The following IGFBP5 variants were observed in gnomAD, a reference collection of about 807,000 sequenced individuals.
IGFBP5 encodes the protein insulin-like growth factor-binding protein 5.
IGFBP5 carries 12 observed loss-of-function variants against 28.0 expected under a neutral mutation model. That is an observed-to-expected ratio of 0.43 (90% confidence interval 0.27 to 0.69). The LOEUF (loss-of-function observed/expected upper bound fraction) is 0.69, where lower values mean the gene tolerates loss of function less well. Among genes scored for constraint, IGFBP5 ranks in the 30% least tolerant of loss-of-function variants. IGFBP5 has a pLI of 0.20. For missense variants in IGFBP5, 344 were observed against 381.6 expected (o/e 0.90, Z 0.82); for synonymous variants, 152 against 150.2 (o/e 1.01, Z -0.09).
chr2:216,693,774 C>T (rs1455531012), intron 1 of IGFBP5, among the ~76,000 whole-genome samples: 2 of 151,746 alleles, frequency 1.3e-5, no homozygotes, highest in African/African-American at 4.8e-5. Flanking sequence ...GTTTTACCAT[C>T]TACCACAGGC....
Position 216,694,114 on chromosome 2 carries a change from T to G in IGFBP5, c.337+325A>C, listed in dbSNP as rs1689137137. On this transcript the variant is annotated intron_variant, in intron 1 of 3. Transcript: ENST00000233813. The surrounding 1 kb of genome is among the most constrained non-coding windows in gnomAD (Gnocchi z 5.2). ...TAATGTAACATACACTCTTTCAGACTGTAGATAGGGTACCAGGGGATTTGG... is the reference window on the plus strand; with the variant it reads ...TAATGTAACATACACTCTTTCAGACGGTAGATAGGGTACCAGGGGATTTGG... 6.6e-6 allele frequency among the ~76,000 whole-genome samples: 1 copy of G among 151,358 alleles called. No homozygotes were observed. The highest frequency in any genetic ancestry group is 2.1e-4 in the South Asian group (1 of 4,796).
At chr2:216,685,270 CA>C (rs112350608) in intron 1 of IGFBP5, among the ~76,000 whole-genome samples, 6,964 of 87,228 alleles carry the variant, frequency 0.08, 192 homozygotes, top group African/African-American at 0.14. Context: ...AATAGTGTGA[CA>C]AAAAAAAAAA....
intron 1 of IGFBP5, among the ~76,000 whole-genome samples, chr2:216,685,872 T>TTTTTTG (rs1052254677): frequency 4.6e-5 from 7 of 152,210 alleles, no homozygotes; most frequent in Non-Finnish European, 8.8e-5. Flanking sequence ...GAAGACATTT[T>TTTTTTG]TTTTTGTTTT....
At chr2:216,686,572 G>A (rs1271580719) in intron 1 of IGFBP5, among the ~76,000 whole-genome samples, 2 of 151,784 alleles carry the variant, frequency 1.3e-5, no homozygotes, top group African/African-American at 4.8e-5. Flanking sequence ...AGCCATGATT[G>A]TGCCACTGCA....
chr2:216,677,218 C>G (rs1325081605), intron 3 of IGFBP5, among the ~76,000 whole-genome samples: 1 of 151,936 alleles, frequency 6.6e-6, no homozygotes, highest in Non-Finnish European at 1.5e-5. Context: ...GGATTACAGG[C>G]GTGAGCCACT....
Position 216,694,330 on chromosome 2 carries a change from GC to G in IGFBP5, c.337+108del. On this transcript the variant is annotated intron_variant, in intron 1 of 3. Coordinates refer to ENST00000233813, the MANE Select transcript of IGFBP5 (RefSeq NM_000599.4). The surrounding 1 kb of genome is among the most constrained non-coding windows in gnomAD (Gnocchi z 5.2). ...AAGGACCCTCCCCGACTACTCCCGA[GC>G]TGCACCCCAGCTCGAAGCCACTTGC... 1.1e-6 allele frequency: 1 copy of G among 914,538 alleles called. No individual in the cohort carries two copies. The highest frequency in any genetic ancestry group is 1.8e-5 in the South Asian group (1 of 54,310). 56.7% of individuals were successfully genotyped at this position (914,538 alleles called of 1,614,324 possible).
At position 216,694,180 on chromosome 2, in the gene IGFBP5, A is replaced by G. The variant is rs11575125; in HGVS notation, c.337+259T>C. 2.7e-5 allele frequency among the ~76,000 whole-genome samples: 4 copies of G among 150,608 alleles called. No homozygotes were observed. The highest frequency in any genetic ancestry group is 9.7e-5 in the African/African-American group (4 of 41,108). On this transcript the variant is annotated intron_variant, in intron 1 of 3. Coordinates refer to ENST00000233813, the MANE Select transcript of IGFBP5 (RefSeq NM_000599.4). The surrounding 1 kb of genome is among the most constrained non-coding windows in gnomAD (Gnocchi z 5.2). ...AAGAGCTCAGAATCAGTATTCGGAC[A>G]GAGTAGGGGGAGGGGGCGGGCAACG...
rs11575131 is a variant in IGFBP5, at chr2:216,692,739, C to G, written c.337+1700G>C. Among the ~76,000 whole-genome samples the G allele has an allele frequency of 0.016, 2,440 of 152,204 alleles. 72 individuals are homozygous for G. The highest frequency in any genetic ancestry group is 0.055 in the African/African-American group (2,300 of 41,538). ...GTTCCCAGAGCCTGCACATCCTCCC[C>G]TTTTCCTCTTTTTGCAGGCTGCAAC... is the stretch of plus-strand genomic sequence containing the variant. On this transcript the variant is annotated intron_variant, in intron 1 of 3. Transcript: ENST00000233813. This position sits in a 1 kb window ranked among gnomAD's most constrained non-coding sequence, Gnocchi z 4.2.
chr2:216,681,574 C>T (rs1217640507), intron 1 of IGFBP5, among the ~76,000 whole-genome samples: 3 of 152,070 alleles, frequency 2.0e-5, no homozygotes, highest in African/African-American at 7.3e-5. Flanking sequence ...TTTCCGTAGG[C>T]CATTTAGTCC....
intron 1 of IGFBP5, among the ~76,000 whole-genome samples, chr2:216,683,002 C>G (rs1054276949): frequency 2.0e-5 from 3 of 152,138 alleles, no homozygotes; most frequent in Non-Finnish European, 2.9e-5. Flanking sequence ...GCCACCAAGC[C>G]CGGCCTGGAA....
chr2:216,691,836 C>CATGT (rs1689100362), intron 1 of IGFBP5, among the ~76,000 whole-genome samples: 1 of 121,222 alleles, frequency 8.2e-6, no homozygotes, highest in African/African-American at 3.2e-5. Flanking sequence ...TATAATATGT[C>CATGT]GTGTGTGTGT....
intron 1 of IGFBP5, among the ~76,000 whole-genome samples, chr2:216,681,058 CA>C (rs1217666822): frequency 2.6e-5 from 4 of 152,010 alleles, no homozygotes; most frequent in African/African-American, 9.7e-5. Context: ...AAGGGAGAAG[CA>C]TGGCTGGTTT....
chr2:216,691,647 C>T (rs1223343708), intron 1 of IGFBP5, among the ~76,000 whole-genome samples: 1 of 152,110 alleles, frequency 6.6e-6, no homozygotes, highest in African/African-American at 2.4e-5. Context: ...CCTAGCAAAA[C>T]ACCCTCTCCT....
chr2:216,683,006 C>T (rs1194050205), intron 1 of IGFBP5, among the ~76,000 whole-genome samples: 1 of 152,054 alleles, frequency 6.6e-6, no homozygotes, highest in Admixed American at 6.5e-5. Context: ...CCAAGCCCGG[C>T]CTGGAAGTGT....
chr2:216,692,753 G>A lies in IGFBP5; in HGVS notation c.337+1686C>T, dbSNP rs1050391796. On this transcript the variant is annotated intron_variant, in intron 1 of 3. Coordinates refer to ENST00000233813, the MANE Select transcript of IGFBP5 (RefSeq NM_000599.4). This position sits in a 1 kb window ranked among gnomAD's most constrained non-coding sequence, Gnocchi z 4.2. ...CACATCCTCCCCTTTTCCTCTTTTT[G>A]CAGGCTGCAACCTGCAAAAAGATCG... 1.3e-5 allele frequency among the ~76,000 whole-genome samples: 2 copies of A among 151,958 alleles called. No homozygotes were observed. The highest frequency in any genetic ancestry group is 2.9e-5 in the Non-Finnish European group (2 of 67,962).
rs147268883 is a variant in IGFBP5 at position 216,684,513 on chromosome 2, G to A, written c.338-5434C>T. ...CAGTCCAGGAAGAGTGTCGGGCTTTGCCAGGCCACCCAGACCTGGGGAGAT... is the reference window on the plus strand; with the variant it reads ...CAGTCCAGGAAGAGTGTCGGGCTTTACCAGGCCACCCAGACCTGGGGAGAT... On this transcript the variant is annotated intron_variant, in intron 1 of 3. Coordinates refer to ENST00000233813, the MANE Select transcript of IGFBP5 (RefSeq NM_000599.4). 3.0e-3 allele frequency among the ~76,000 whole-genome samples: 455 copies of A among 152,304 alleles called. 2 individuals are homozygous for A. The highest frequency in any genetic ancestry group is 0.01 in the African/African-American group (420 of 41,558).
At position 216,679,986 on chromosome 2, in the gene IGFBP5, C is replaced by T. The variant is rs11575190; in HGVS notation, c.338-907G>A. Reference sequence around the variant, plus strand: ...ATGTATTTGTTGATCCTTAATTCCACCCGTCCGGCCTTTTCTTGGTGCGCA... The same window carrying T: ...ATGTATTTGTTGATCCTTAATTCCATCCGTCCGGCCTTTTCTTGGTGCGCA... On this transcript the variant is annotated intron_variant, in intron 1 of 3. Transcript: ENST00000233813. The surrounding 1 kb of genome is among the most constrained non-coding windows in gnomAD (Gnocchi z 4.6). 0.013 allele frequency among the ~76,000 whole-genome samples: 1,990 copies of T among 152,230 alleles called. 41 individuals carry two copies. The highest frequency in any genetic ancestry group is 0.045 in the African/African-American group (1,859 of 41,538).
chr2:216,682,378 G>T (rs1049091411), intron 1 of IGFBP5, among the ~76,000 whole-genome samples: 2 of 152,176 alleles, frequency 1.3e-5, no homozygotes, highest in African/African-American at 4.8e-5. Flanking sequence ...GAAGCAGCCA[G>T]CCCGACTCAG....
At chr2:216,682,042 A>C (rs886224190) in intron 1 of IGFBP5, among the ~76,000 whole-genome samples, 1 of 152,236 alleles carries the variant, frequency 6.6e-6, no homozygotes, top group African/African-American at 2.4e-5. Context: ...TCTTCATTTA[A>C]GGAACTCAAA....
Sources: gnomAD v4.1 joint callset for allele counts (sites outside exome capture counted in the v4.1 genomes callset) on GRCh38, gnomAD v4.1.1 for gene constraint, Gnocchi (gnomAD v3.1) non-coding constraint, MANE v1.5 for transcripts, NCBI Gene and HGNC (gene_info 2026-07-23, HGNC 2026-07-21) for gene names.